ZNF385B: variants seen among roughly 807,000 people sequenced by gnomAD.
ZNF385B encodes the protein zinc finger protein 533.
A neutral mutation model predicts 39.2 loss-of-function variants in ZNF385B; 23 were observed. That is an observed-to-expected ratio of 0.59 (90% CI 0.42 to 0.83). The LOEUF (loss-of-function observed/expected upper bound fraction) is 0.83, where lower values mean the gene tolerates loss of function less well. Ranked by LOEUF, ZNF385B falls within the 40% of genes least tolerant of loss-of-function variation. The pLI, the probability that ZNF385B is intolerant of heterozygous loss-of-function variation, is 0.00. For missense variants in ZNF385B, 552 were observed against 598.9 expected (o/e 0.92, Z 0.82); for synonymous variants, 205 against 222.6 (o/e 0.92, Z 0.70).
chr2:179,656,425 T>TA (rs1156823877), intron 3 of ZNF385B, among the ~76,000 whole-genome samples: 6 of 152,162 alleles, frequency 3.9e-5, no homozygotes, highest in African/African-American at 1.4e-4. Context: ...GATTCAAATT[T>TA]AAGTATATCT....
intron 3 of ZNF385B, among the ~76,000 whole-genome samples, chr2:179,698,679 T>G (rs1394999425): frequency 9.2e-5 from 14 of 152,200 alleles, no homozygotes; most frequent in Admixed American, 9.2e-4. Flanking sequence ...GGAGTGATCA[T>G]AATAAAAGCA....
At chr2:179,622,333 T>C (rs538195671) in intron 3 of ZNF385B, among the ~76,000 whole-genome samples, 1 of 152,278 alleles carries the variant, frequency 6.6e-6, no homozygotes, top group South Asian at 2.1e-4. Context: ...TGGGTTGGTA[T>C]AAACAGTAAG....
At chr2:179,450,480 C>T (rs1292863082) in intron 6 of ZNF385B, among the ~76,000 whole-genome samples, 1 of 152,106 alleles carries the variant, frequency 6.6e-6, no homozygotes, top group African/African-American at 2.4e-5. Flanking sequence ...ATTTATACAG[C>T]CAAAAGACAA....
chr2:179,751,565 A>G (rs1702677965), intron 3 of ZNF385B, among the ~76,000 whole-genome samples: 1 of 152,164 alleles, frequency 6.6e-6, no homozygotes, highest in South Asian at 2.1e-4. Context: ...TATAATACCT[A>G]TCATTAATGT....
At chr2:179,542,887 T>C (rs1442919192) in intron 4 of ZNF385B, among the ~76,000 whole-genome samples, 3 of 152,194 alleles carry the variant, frequency 2.0e-5, no homozygotes, top group African/African-American at 7.2e-5. Flanking sequence ...TGCAGGGGTA[T>C]GGAATATGAC....
At chr2:179,554,220 A>T (rs965114806) in intron 3 of ZNF385B, among the ~76,000 whole-genome samples, 1 of 149,236 alleles carries the variant, frequency 6.7e-6, no homozygotes, top group East Asian at 1.9e-4. Flanking sequence ...TGAATAATTA[A>T]ATCTATTAAT....
chr2:179,667,400 C>T (rs1559059699), intron 3 of ZNF385B, among the ~76,000 whole-genome samples: 2 of 152,064 alleles, frequency 1.3e-5, no homozygotes, highest in Non-Finnish European at 2.9e-5. Context: ...AACTTAGTCT[C>T]CCTCCCCCCC....
chr2:179,692,700 T>C (rs1006811247), intron 3 of ZNF385B, among the ~76,000 whole-genome samples: 2 of 152,194 alleles, frequency 1.3e-5, no homozygotes, highest in African/African-American at 4.8e-5. Context: ...CTCATTTACC[T>C]CTCCAAATAT....
At chr2:179,663,639 G>A (rs1221146391) in intron 3 of ZNF385B, among the ~76,000 whole-genome samples, 1 of 149,978 alleles carries the variant, frequency 6.7e-6, no homozygotes, top group East Asian at 2.0e-4. Flanking sequence ...GAACTCGGGA[G>A]GCGGAGCTTG....
In ZNF385B at chr2:179,677,851, T is replaced by C. The variant is rs541233261; in HGVS notation, c.298+91652A>G. 3.9e-5 allele frequency among the ~76,000 whole-genome samples: 6 copies of C among 152,328 alleles called. No individual in the cohort carries two copies. In the East Asian group the frequency reaches 1.2e-3, roughly 29 times the overall value. ...ACCATTTGAGATTTTTTTTACAGAA[T>C]TGTGTTATTTTCTGAAATTCTAGTT... is the stretch of plus-strand genomic sequence containing the variant. On this transcript the variant is annotated intron_variant, in intron 3 of 9. Transcript: ENST00000410066.
rs559107615 is a variant in ZNF385B at position 179,479,582 on chromosome 2, G to C, written c.715+3690C>G. Among the ~76,000 whole-genome samples, 9 of 152,266 alleles carry C rather than the reference G, an allele frequency of 5.9e-5. No homozygotes were observed. The East Asian group carries it at 9.7e-4, about 16-fold the overall frequency. On this transcript the variant is annotated intron_variant, in intron 6 of 9. Transcript: ENST00000410066. ...CAGCTGGGCACAGTAGCACATACCT[G>C]TAATCCCAGCATTTTAGGAGGCCGT...
intron 3 of ZNF385B, among the ~76,000 whole-genome samples, chr2:179,620,343 G>A (rs1690107082): frequency 6.6e-6 from 1 of 151,968 alleles, no homozygotes; most frequent in South Asian, 2.1e-4. Context: ...TTCGGATCTG[G>A]GGCACTCTCC....
chr2:179,663,845 C>G (rs1035498797), intron 3 of ZNF385B, among the ~76,000 whole-genome samples: 1 of 151,432 alleles, frequency 6.6e-6, no homozygotes, highest in South Asian at 2.1e-4. Flanking sequence ...AGTTCTCATA[C>G]AGTCATTGTA....
At chr2:179,652,989 A>G (rs1286459356) in intron 3 of ZNF385B, among the ~76,000 whole-genome samples, 1 of 152,152 alleles carries the variant, frequency 6.6e-6, no homozygotes, top group Non-Finnish European at 1.5e-5. Flanking sequence ...TCACTTTGAT[A>G]TCCTTGGGGC....
intron 3 of ZNF385B, among the ~76,000 whole-genome samples, chr2:179,750,659 C>T (rs1031063517): frequency 9.9e-5 from 15 of 152,072 alleles, no homozygotes; most frequent in Non-Finnish European, 1.8e-4. Context: ...CATATGGGCT[C>T]TATCCAATAC....
At chr2:179,804,924 T>C (rs1221842408) in intron 1 of ZNF385B, among the ~76,000 whole-genome samples, 1 of 152,196 alleles carries the variant, frequency 6.6e-6, no homozygotes. Flanking sequence ...TTTGGAGCAA[T>C]GCCCTCTGTC....
intron 3 of ZNF385B, among the ~76,000 whole-genome samples, chr2:179,765,585 C>T (rs1286483091): frequency 1.3e-5 from 2 of 152,110 alleles, no homozygotes; most frequent in East Asian, 1.9e-4. Flanking sequence ...AAATATTGTC[C>T]TGCCACTGTC....
intron 4 of ZNF385B, among the ~76,000 whole-genome samples, chr2:179,521,514 T>A (rs1184562299): frequency 3.3e-5 from 5 of 151,924 alleles, no homozygotes; most frequent in African/African-American, 4.8e-5. Context: ...ATAGTTTTAT[T>A]CTGCCCAAAT....
chr2:179,804,206 C>T (rs1706209418), intron 1 of ZNF385B, among the ~76,000 whole-genome samples: 1 of 152,128 alleles, frequency 6.6e-6, no homozygotes, highest in South Asian at 2.1e-4. Flanking sequence ...TCACAAATAC[C>T]ACCTTCAGCA....
Sources: allele counts gnomAD v4.1 joint callset (sites outside exome capture counted in the v4.1 genomes callset), GRCh38; gene constraint gnomAD v4.1.1; transcripts MANE v1.5; gene names NCBI Gene and HGNC (gene_info 2026-07-23, HGNC 2026-07-21).